DPY19L1: variants seen among roughly 807,000 people sequenced by gnomAD.
DPY19L1 encodes dpy-19 like C-mannosyltransferase 1.
DPY19L1 carries 35 observed loss-of-function variants against 96.9 expected under a neutral mutation model. The ratio of observed to expected loss-of-function variants is 0.36; its 90% confidence interval spans 0.28 to 0.48. The LOEUF (loss-of-function observed/expected upper bound fraction) is 0.48. Ranked by LOEUF, DPY19L1 falls within the 20% of genes least tolerant of loss-of-function variation. The pLI is 0.99. For synonymous variants in DPY19L1, 205 were observed against 252.6 expected, an observed-to-expected ratio of 0.81 and a Z score of 1.79; for missense variants, 521 against 777.9, an observed-to-expected ratio of 0.67 and a Z score of 3.93.
In DPY19L1 at chr7:34,991,161, G is replaced by A. The variant is rs575309227; in HGVS notation, c.765-1220C>T. ...CAGCCACTCGCTGCCAGAGTGAAAC[G>A]ATGGCAGCATTAAACGTTTGAGGAA... On this transcript the variant is annotated intron_variant, in intron 6 of 21. Coordinates refer to ENST00000638088, the MANE Select transcript of DPY19L1 (RefSeq NM_001366673.1). Among the ~76,000 whole-genome samples the A allele has an allele frequency of 3.9e-5, 6 of 152,326 alleles. No individual in the cohort carries two copies. The East Asian group carries it at 9.6e-4, about 24-fold the overall frequency.
At chr7:34,995,995 G>A (rs902647844) in intron 6 of DPY19L1, among the ~76,000 whole-genome samples, 59 of 152,104 alleles carry the variant, frequency 3.9e-4, no homozygotes, top group African/African-American at 1.3e-3. Flanking sequence ...GATAAGAATC[G>A]GGAAGGGTGA....
chr7:34,971,684 A>G (rs981942106), intron 8 of DPY19L1, among the ~76,000 whole-genome samples: 1 of 152,232 alleles, frequency 6.6e-6, no homozygotes, highest in Non-Finnish European at 1.5e-5. Flanking sequence ...GGTAAGGCTG[A>G]AAAAGACAAT....
At chr7:34,940,455 A>G (rs1783981587) in intron 18 of DPY19L1, 128 bp from the exon 19 acceptor site, 1 of 692,712 alleles carries the variant, frequency 1.4e-6, no homozygotes, top group Non-Finnish European at 2.1e-6. Context: ...ATTATCCTAA[A>G]GAAAAAGCCC....
At chr7:35,027,454 T>A (rs1309187231) in intron 1 of DPY19L1, among the ~76,000 whole-genome samples, 12 of 152,060 alleles carry the variant, frequency 7.9e-5, no homozygotes, top group Admixed American at 2.6e-4. Context: ...GAAAGAAATC[T>A]ATTTTGAATT....
chr7:34,962,747 C>T (rs559930935), intron 10 of DPY19L1, among the ~76,000 whole-genome samples: 73 of 152,024 alleles, frequency 4.8e-4, no homozygotes, highest in Non-Finnish European at 8.7e-4. Context: ...TGAGGCCTAA[C>T]GTAAACTACG....
intron 7 of DPY19L1, among the ~76,000 whole-genome samples, chr7:34,986,120 C>T (rs954585671): frequency 1.1e-4 from 17 of 152,042 alleles, no homozygotes; most frequent in Non-Finnish European, 1.6e-4. Context: ...CTCACAGAAA[C>T]AGAGAACAGA....
intron 6 of DPY19L1, among the ~76,000 whole-genome samples, chr7:35,003,846 G>A (rs1325733725): frequency 6.6e-6 from 1 of 152,244 alleles, no homozygotes; most frequent in African/African-American, 2.4e-5. Flanking sequence ...TCTCTCAGGG[G>A]AGTTGCAGTC....
chr7:35,037,823 C>A, upstream of DPY19L1: 2 of 1,228,618 alleles, frequency 1.6e-6, no homozygotes, highest in Non-Finnish European at 2.0e-6. Context: ...CACACCTCTT[C>A]GGCGCCCGCG....
chr7:34,949,286 G>A (rs1784219480), intron 14 of DPY19L1, among the ~76,000 whole-genome samples: 1 of 151,952 alleles, frequency 6.6e-6, no homozygotes, highest in Non-Finnish European at 1.5e-5. Context: ...ACTATAACAC[G>A]ACGAATGAGA....
chr7:35,006,462 C>A (rs1450621605), intron 6 of DPY19L1, among the ~76,000 whole-genome samples: 1 of 152,188 alleles, frequency 6.6e-6, no homozygotes, highest in Non-Finnish European at 1.5e-5. Context: ...AAAGTTCTAA[C>A]TGTCCAACAA....
At chr7:35,013,450 C>A in intron 4 of DPY19L1, 118 bp downstream of exon 4, 1 of 761,002 alleles carries the variant, frequency 1.3e-6, no homozygotes, top group Non-Finnish European at 2.0e-6. Flanking sequence ...TACATATTTT[C>A]TTTTAAAAAA....
At chr7:35,019,527 A>G (rs1000070745) in intron 1 of DPY19L1, among the ~76,000 whole-genome samples, 2 of 151,942 alleles carry the variant, frequency 1.3e-5, no homozygotes, top group Admixed American at 6.6e-5. Flanking sequence ...AGAAGGAAGA[A>G]GAGAAGGAGA....
In DPY19L1 at chr7:34,940,319, T is replaced by C. The variant is rs769986319; in HGVS notation, c.1698A>G (p.Gly566=). The C allele has an allele frequency of 3.4e-5, 55 of 1,606,180 alleles. No individual in the cohort carries two copies. The highest frequency in any genetic ancestry group is 8.9e-5 in the South Asian group (8 of 89,500). ...CAGGATGTACTTTGCAAAAGAGCCA[T>C]CCAAATAGCTGAAACCAAATTAAGA... is the stretch of plus-strand genomic sequence containing the variant. ...ASLICSRQLF[G]WLFCKVHPGA... is the part of the protein sequence containing the mutation. Residue 566 remains glycine (G), a synonymous_variant, in exon 19 of 22, where the codon GGA becomes GGG. Coordinates refer to ENST00000638088, the MANE Select transcript of DPY19L1 (RefSeq NM_001366673.1).
At chr7:34,980,884 G>T (rs1432583793) in intron 7 of DPY19L1, among the ~76,000 whole-genome samples, 3 of 152,230 alleles carry the variant, frequency 2.0e-5, no homozygotes, top group African/African-American at 7.2e-5. Flanking sequence ...AAACAATGTG[G>T]ATACATATCA....
chr7:34,998,411 G>T (rs1414795205), intron 6 of DPY19L1, among the ~76,000 whole-genome samples: 1 of 152,140 alleles, frequency 6.6e-6, no homozygotes, highest in Admixed American at 6.5e-5. Flanking sequence ...TCTTCAAAAA[G>T]CGACCTCATC....
At chr7:34,990,370 C>T (rs1193996280) in intron 6 of DPY19L1, among the ~76,000 whole-genome samples, 1 of 152,146 alleles carries the variant, frequency 6.6e-6, no homozygotes, top group Admixed American at 6.5e-5. Context: ...GGAAAGGGAT[C>T]CATGGTCATA....
intron 10 of DPY19L1, among the ~76,000 whole-genome samples, chr7:34,962,000 T>C (rs538456700): frequency 6.6e-6 from 1 of 152,202 alleles, no homozygotes; most frequent in Non-Finnish European, 1.5e-5. Context: ...TTGCTGGTGG[T>C]AATGCAAAAT....
intron 1 of DPY19L1, among the ~76,000 whole-genome samples, chr7:35,024,182 G>A (rs73110545): frequency 0.26 from 39,572 of 152,094 alleles, 5,391 homozygotes; most frequent in Non-Finnish European, 0.31. Context: ...ATCATGTTGA[G>A]TAAGTGAAAA....
chr7:35,011,241 C>T (rs1785703395), intron 5 of DPY19L1, 89 bp downstream of exon 5: 1 of 1,461,772 alleles, frequency 6.8e-7, no homozygotes, highest in Non-Finnish European at 9.4e-7. Flanking sequence ...GTTGTTTATA[C>T]CACTAAGTTT....
Sources: allele counts gnomAD v4.1 joint callset (sites outside exome capture counted in the v4.1 genomes callset), GRCh38; gene constraint gnomAD v4.1.1; transcripts MANE v1.5; gene names NCBI Gene and HGNC (gene_info 2026-07-23, HGNC 2026-07-21).